The following MAML2 variants were observed in gnomAD, a reference collection of about 807,000 sequenced individuals.
MAML2 encodes the protein mastermind like transcriptional coactivator 2.
MAML2 carries 22 observed loss-of-function variants against 96.1 expected under a neutral mutation model. That is an observed-to-expected ratio of 0.23 (90% CI 0.16 to 0.33). The LOEUF (loss-of-function observed/expected upper bound fraction) is 0.33. Ranked by LOEUF, MAML2 falls within the 10% of genes least tolerant of loss-of-function variation. The pLI is 1.00. For missense variants in MAML2, 1,367 were observed against 1,392.4 expected (o/e 0.98, Z 0.29); for synonymous variants, 561 against 521.3 (o/e 1.08, Z -1.04).
chr11:96,281,650 T>A (rs1404208022), intron 1 of MAML2, among the ~76,000 whole-genome samples: 5 of 151,764 alleles, frequency 3.3e-5, no homozygotes, highest in African/African-American at 1.2e-4. Flanking sequence ...GTAGAGGGGA[T>A]CACCAGTTTA....
At chr11:96,157,724 A>G (rs974779257) in intron 1 of MAML2, among the ~76,000 whole-genome samples, 1 of 152,198 alleles carries the variant, frequency 6.6e-6, no homozygotes, top group African/African-American at 2.4e-5. Flanking sequence ...GAATATTCAG[A>G]TGATTGATAG....
rs1862157420 is a variant in MAML2 at position 96,222,641 on chromosome 11, A to C, written c.513+118742T>G. On this transcript the variant is annotated intron_variant, in intron 1 of 4. Coordinates refer to ENST00000524717, the MANE Select transcript of MAML2 (RefSeq NM_032427.4). ...ATTTTGCTACTTCTTTTCATGTTCT[A>C]ATTCGATGCTCCAGAAGTACTCACC... is the stretch of plus-strand genomic sequence containing the variant. Among the ~76,000 whole-genome samples the C allele has an allele frequency of 2.0e-5, 3 of 152,174 alleles. 1 individual carries two copies. The South Asian group carries it at 6.2e-4, about 31-fold the overall frequency.
chr11:96,295,213 G>A (rs1021637355), intron 1 of MAML2, among the ~76,000 whole-genome samples: 10 of 152,084 alleles, frequency 6.6e-5, no homozygotes, highest in African/African-American at 2.4e-4. Flanking sequence ...AATGGTCAGA[G>A]TTTTTCTGGA....
intron 2 of MAML2, among the ~76,000 whole-genome samples, chr11:96,004,900 A>C (rs1858152783): frequency 6.6e-6 from 1 of 152,198 alleles, no homozygotes; most frequent in Admixed American, 6.5e-5. Context: ...GGGTAGTGGC[A>C]CAAGAGGTGA....
At position 96,093,460 on chromosome 11, in the gene MAML2, G is replaced by A; in HGVS notation, c.571C>T (p.Arg191Ter). Residue 191 changes from arginine to a stop codon, truncating the protein, a stop_gained, in exon 2 of 5, where the codon CGA becomes TGA. Transcript: ENST00000524717. LOFTEE classifies it high-confidence loss of function. ...GAGTTGTCCACAAAGCCATTGGGTC[G>A]CTTGCTGTTGGCAGGAGATAGGTTA... ...VVNLSPANSK[R>*]PNGFVDNSFL... The A allele has an allele frequency of 1.2e-6, 2 of 1,613,888 alleles. No individual in the cohort carries two copies. The highest frequency in any genetic ancestry group is 1.7e-6 in the Non-Finnish European group (2 of 1,179,868).
At chr11:96,019,822 T>C (rs1264797470) in intron 2 of MAML2, among the ~76,000 whole-genome samples, 3 of 152,062 alleles carry the variant, frequency 2.0e-5, no homozygotes, top group Admixed American at 6.6e-5. Context: ...GACCTTAATA[T>C]TGGAAGAATA....
At chr11:96,098,060 C>T (rs1591012031) in intron 1 of MAML2, among the ~76,000 whole-genome samples, 1 of 152,172 alleles carries the variant, frequency 6.6e-6, no homozygotes, top group African/African-American at 2.4e-5. Context: ...ATAGCCCAGA[C>T]AGCCAAGACA....
chr11:96,154,700 A>T (rs1285124200), intron 1 of MAML2, among the ~76,000 whole-genome samples: 1 of 152,206 alleles, frequency 6.6e-6, no homozygotes, highest in African/African-American at 2.4e-5. Flanking sequence ...AGGACCCAGG[A>T]TATTCACCCA....
chr11:96,318,751 G>A (rs1863663751), intron 1 of MAML2, among the ~76,000 whole-genome samples: 1 of 152,180 alleles, frequency 6.6e-6, no homozygotes, highest in Admixed American at 6.5e-5. Context: ...ACTTAAAATA[G>A]CTGTCCTCAG....
chr11:96,061,384 C>T (rs922519788), intron 2 of MAML2, among the ~76,000 whole-genome samples: 3 of 152,164 alleles, frequency 2.0e-5, no homozygotes, highest in Non-Finnish European at 4.4e-5. Flanking sequence ...TGACTGAATG[C>T]TGTTTGAAAT....
intron 2 of MAML2, among the ~76,000 whole-genome samples, chr11:96,062,294 G>A (rs1453340953): frequency 2.6e-5 from 4 of 152,194 alleles, no homozygotes; most frequent in Non-Finnish European, 4.4e-5. Flanking sequence ...GGTAATGCCA[G>A]TGAGATGATG....
At chr11:96,309,794 G>A (rs1481558156) in intron 1 of MAML2, among the ~76,000 whole-genome samples, 1 of 151,664 alleles carries the variant, frequency 6.6e-6, no homozygotes, top group African/African-American at 2.4e-5. Context: ...ACCTCTCCAG[G>A]CTCAGGTATT....
chr11:96,211,918 G>T (rs1861977613), intron 1 of MAML2, among the ~76,000 whole-genome samples: 1 of 152,150 alleles, frequency 6.6e-6, no homozygotes, highest in Admixed American at 6.5e-5. Context: ...ACAGAGAAAA[G>T]TTAGGAAGCT....
intron 1 of MAML2, among the ~76,000 whole-genome samples, chr11:96,229,750 TACTC>T (rs972414457): frequency 5.3e-5 from 8 of 152,096 alleles, no homozygotes; most frequent in African/African-American, 1.4e-4. Context: ...AATTTGAAAT[TACTC>T]ACATTTTGAG....
chr11:95,988,829 T>G (rs1429174501), intron 3 of MAML2, among the ~76,000 whole-genome samples: 1 of 152,124 alleles, frequency 6.6e-6, no homozygotes, highest in African/African-American at 2.4e-5. Context: ...TTGAGAATAC[T>G]TTTATGCAAT....
chr11:96,040,379 A>G (rs1858788816), intron 2 of MAML2, among the ~76,000 whole-genome samples: 1 of 152,274 alleles, frequency 6.6e-6, no homozygotes, highest in Non-Finnish European at 1.5e-5. Flanking sequence ...GAAAAGTATC[A>G]TATCATTAAT....
At chr11:96,109,341 T>C (rs551691347) in intron 1 of MAML2, among the ~76,000 whole-genome samples, 1 of 152,240 alleles carries the variant, frequency 6.6e-6, no homozygotes, top group Non-Finnish European at 1.5e-5. Flanking sequence ...GGGTAGGCAT[T>C]AGTGGACTTC....
intron 2 of MAML2, among the ~76,000 whole-genome samples, chr11:96,031,335 T>TTG (rs10596374): frequency 0.33 from 50,164 of 150,256 alleles, 9,292 homozygotes; most frequent in Middle Eastern, 0.44. Context: ...ATTTAACAGT[T>TTG]TGTGTGTGTG....
At chr11:96,206,363 C>T (rs1350675996) in intron 1 of MAML2, among the ~76,000 whole-genome samples, 1 of 152,010 alleles carries the variant, frequency 6.6e-6, no homozygotes, top group African/African-American at 2.4e-5. Context: ...TTTGGGAGGC[C>T]GAGGCGGGCA....
Sources: gnomAD v4.1 joint callset for allele counts (sites outside exome capture counted in the v4.1 genomes callset) on GRCh38, gnomAD v4.1.1 for gene constraint, MANE v1.5 for transcripts, NCBI Gene and HGNC (gene_info 2026-07-23, HGNC 2026-07-21) for gene names.